Variants in POT1 observed in about 807,000 individuals in gnomAD.
POT1 encodes the protein protection of telomeres 1, also known as protection of telomeres protein 1.
A neutral mutation model predicts 78.5 loss-of-function variants in POT1; 47 were observed. That is an observed-to-expected ratio of 0.60 (90% CI 0.47 to 0.76). The LOEUF (loss-of-function observed/expected upper bound fraction) is 0.76. POT1 is among the 30% of genes least tolerant of loss of function. The pLI is 0.00. For synonymous variants in POT1, 259 were observed against 260.7 expected (o/e 0.99, Z 0.06); for missense variants, 646 against 749.9 (o/e 0.86, Z 1.62).
chr7:124,846,351 T>A (rs956303509), intron 12 of POT1, among the ~76,000 whole-genome samples: 1 of 152,172 alleles, frequency 6.6e-6, no homozygotes, highest in African/African-American at 2.4e-5. Flanking sequence ...TTCACATTTG[T>A]TATCTTCCTT....
At chr7:124,828,476 C>T (rs1435277426) in intron 16 of POT1, among the ~76,000 whole-genome samples, 2 of 152,010 alleles carry the variant, frequency 1.3e-5, no homozygotes, top group African/African-American at 4.8e-5. Context: ...AACTAATTAA[C>T]AGGGAAAGTA....
At chr7:124,838,993 T>C (rs143957334) in intron 14 of POT1, among the ~76,000 whole-genome samples, 1 of 152,130 alleles carries the variant, frequency 6.6e-6, no homozygotes, top group Non-Finnish European at 1.5e-5. Context: ...AGATTTACAA[T>C]AGCCAACACA....
At position 124,841,013 on chromosome 7, in the gene POT1, A is replaced by G. The variant is rs1335197758; in HGVS notation, c.1329T>C (p.Gly443=). 5.0e-6 allele frequency: 8 copies of G among 1,611,368 alleles called. No individual in the cohort carries two copies. The highest frequency in any genetic ancestry group is 5.1e-6 in the Non-Finnish European group (6 of 1,178,164). The change falls in exon 14 of 19, where the codon GGT becomes GGC. Residue 443 remains glycine (G), a synonymous_variant. Coordinates refer to ENST00000357628, the MANE Select transcript of POT1 (RefSeq NM_015450.3). The part of the protein sequence containing the change: ...KVAVHFVKNN[G]ILPLSNECLL... Reference sequence around the variant, plus strand: ...GACATTCATTTGAAAGCGGGAGAATACCATTATTTTTCACAAAATGAACTG... The same window carrying G: ...GACATTCATTTGAAAGCGGGAGAATGCCATTATTTTTCACAAAATGAACTG...
intron 6 of POT1, among the ~76,000 whole-genome samples, chr7:124,880,409 A>C (rs971241131): frequency 6.6e-6 from 1 of 152,120 alleles, no homozygotes; most frequent in East Asian, 1.9e-4. Flanking sequence ...GGCATAAATA[A>C]TACTAAATAG....
chr7:124,824,104 T>A, intron 18 of POT1, 30 bp from the exon 19 acceptor site: 1 of 1,400,906 alleles, frequency 7.1e-7, no homozygotes, highest in Non-Finnish European at 1.0e-6. Context: ...AAAAGCGATT[T>A]AACCATTAAA....
At chr7:124,884,640 A>C (rs1041326722) in intron 6 of POT1, among the ~76,000 whole-genome samples, 6 of 152,120 alleles carry the variant, frequency 3.9e-5, no homozygotes, top group Non-Finnish European at 7.4e-5. Context: ...AAATTTGAGG[A>C]AAGAACAAAA....
intron 15 of POT1, among the ~76,000 whole-genome samples, chr7:124,831,362 G>A (rs566713940): frequency 1.1e-3 from 164 of 152,208 alleles, no homozygotes; most frequent in African/African-American, 3.8e-3. Flanking sequence ...AAACATTTTT[G>A]TTAAGGACTC....
intron 8 of POT1, among the ~76,000 whole-genome samples, chr7:124,862,826 TAC>T (rs1399781227): frequency 2.0e-5 from 3 of 152,194 alleles, no homozygotes; most frequent in Admixed American, 1.3e-4. Context: ...GATAGGTATA[TAC>T]AGAGATTTGA....
intron 3 of POT1, among the ~76,000 whole-genome samples, chr7:124,904,699 T>C (rs949224411): frequency 6.6e-6 from 1 of 152,116 alleles, no homozygotes; most frequent in African/African-American, 2.4e-5. Flanking sequence ...AAACAGGAAG[T>C]CAAATTGTCC....
chr7:124,896,058 T>C (rs753361487), intron 5 of POT1, among the ~76,000 whole-genome samples: 2 of 151,706 alleles, frequency 1.3e-5, no homozygotes, highest in Non-Finnish European at 3.0e-5. Flanking sequence ...GACTACACTT[T>C]TAATACTATA....
intron 6 of POT1, among the ~76,000 whole-genome samples, chr7:124,889,384 C>T (rs1016032986): frequency 2.0e-5 from 3 of 152,006 alleles, no homozygotes; most frequent in African/African-American, 7.2e-5. Context: ...AGAAAAGAAG[C>T]CATCTTCATA....
intron 3 of POT1, among the ~76,000 whole-genome samples, chr7:124,901,483 C>T (rs1796618108): frequency 6.6e-6 from 1 of 152,142 alleles, no homozygotes; most frequent in Admixed American, 6.5e-5. Flanking sequence ...ATAGCATCAA[C>T]ATCAACAAAA....
chr7:124,917,810 G>A (rs1259458658), intron 2 of POT1, among the ~76,000 whole-genome samples: 1 of 152,154 alleles, frequency 6.6e-6, no homozygotes, highest in Non-Finnish European at 1.5e-5. Flanking sequence ...ACAATGAAAA[G>A]AGAGCAAAAA....
At chr7:124,891,480 AT>A (rs1181920057) in intron 6 of POT1, among the ~76,000 whole-genome samples, 2 of 151,210 alleles carry the variant, frequency 1.3e-5, no homozygotes, top group African/African-American at 4.8e-5. Flanking sequence ...CTACTCTATG[AT>A]TTTTTATTAG....
chr7:124,836,600 C>T (rs1794905494), intron 14 of POT1, among the ~76,000 whole-genome samples: 1 of 152,254 alleles, frequency 6.6e-6, no homozygotes, highest in African/African-American at 2.4e-5. Context: ...AACACTATTT[C>T]AAAGAATCTG....
intron 18 of POT1, among the ~76,000 whole-genome samples, chr7:124,824,499 G>T (rs970405432): frequency 6.6e-6 from 1 of 151,674 alleles, no homozygotes; most frequent in African/African-American, 2.4e-5. Context: ...GTTAAACTTG[G>T]TTAGAGATCA....
intron 11 of POT1, among the ~76,000 whole-genome samples, chr7:124,847,581 C>G (rs1418831438): frequency 6.6e-6 from 1 of 152,144 alleles, no homozygotes; most frequent in East Asian, 1.9e-4. Flanking sequence ...TGCAGAAAAT[C>G]TAGAATATTA....
At chr7:124,836,675 G>A (rs1794907290) in intron 14 of POT1, among the ~76,000 whole-genome samples, 2 of 152,150 alleles carry the variant, frequency 1.3e-5, no homozygotes, top group South Asian at 4.1e-4. Context: ...ACATAAGCTG[G>A]ACAACCTTGG....
rs1562984378 is a variant in POT1, at chr7:124,847,016, C to A, written c.950-18G>T. On this transcript the variant is annotated intron_variant, in intron 11 of 18. Transcript: ENST00000357628. The stretch of plus-strand genomic sequence containing the variant: ...TCCAGAGCCTATAAAAAGGAAAAGG[C>A]AAAAAAATTAAGTCCATTACAACTT... 1.3e-6 allele frequency: 2 copies of A among 1,569,908 alleles called. No individual in the cohort carries two copies. The highest frequency in any genetic ancestry group is 1.7e-5 in the Admixed American group (1 of 58,124).
Sources: gnomAD v4.1 joint callset for allele counts (sites outside exome capture counted in the v4.1 genomes callset) on GRCh38, gnomAD v4.1.1 for gene constraint, MANE v1.5 for transcripts, NCBI Gene and HGNC (gene_info 2026-07-23, HGNC 2026-07-21) for gene names.